Variants in CA1 observed in about 807,000 individuals in gnomAD.
The protein encoded by CA1 is carbonate dehydratase I.
A neutral mutation model predicts 28.8 loss-of-function variants in CA1; 27 were observed. That is an observed-to-expected ratio of 0.94 (90% confidence interval 0.69 to 1.29). CA1 has a LOEUF of 1.29. Among genes scored for constraint, CA1 ranks in the 50% most tolerant of loss-of-function variants. The pLI is 0.00. For missense variants in CA1, 335 were observed against 310.5 expected, an observed-to-expected ratio of 1.08 and a Z score of -0.59; for synonymous variants, 121 against 108.8, an observed-to-expected ratio of 1.11 and a Z score of -0.70.
chr8:85,343,714 T>C (rs371246813), intron 1 of CA1, among the ~76,000 whole-genome samples: 2 of 152,186 alleles, frequency 1.3e-5, no homozygotes, highest in African/African-American at 4.8e-5. Context: ...CCATATGGAA[T>C]GGCAATTTAT....
intron 4 of CA1, among the ~76,000 whole-genome samples, chr8:85,334,491 C>A (rs1166533481): frequency 6.6e-6 from 1 of 152,124 alleles, no homozygotes; most frequent in Non-Finnish European, 1.5e-5. Flanking sequence ...TTAAATAATT[C>A]TTTCCTGATC....
At chr8:85,366,885 A>G (rs1290530101) in intron 1 of CA1, among the ~76,000 whole-genome samples, 1 of 152,202 alleles carries the variant, frequency 6.6e-6, no homozygotes, top group African/African-American at 2.4e-5. Context: ...AGAAATACCA[A>G]TCTGGTAACA....
At chr8:85,353,614 T>G (rs1462323446) in intron 1 of CA1, among the ~76,000 whole-genome samples, 3 of 152,202 alleles carry the variant, frequency 2.0e-5, no homozygotes, top group Non-Finnish European at 4.4e-5. Context: ...TTGTTTTACA[T>G]GTTTTGTTTT....
chr8:85,348,730 C>A (rs1809295678), intron 1 of CA1, among the ~76,000 whole-genome samples: 2 of 152,126 alleles, frequency 1.3e-5, no homozygotes, highest in South Asian at 4.1e-4. Context: ...AACCCAATTT[C>A]TTTGAGTAAT....
chr8:85,332,660 A>AT, intron 5 of CA1, 108 bp from the exon 6 acceptor site: 1 of 786,632 alleles, frequency 1.3e-6, no homozygotes, highest in South Asian at 1.4e-5. Flanking sequence ...GAGGTAAGGT[A>AT]TTTTCTCTCT....
Position 85,329,836 on chromosome 8 carries a change from T to A in CA1, c.522A>T (p.Arg174=). ...AGGGGTCAAAATTTGTGAATGGGGC[T>A]CGTTTGCCCTGGAAGAAAAGAATAC... is the stretch of plus-strand genomic sequence containing the variant. ...ALQAIKTKGK[R]APFTNFDPST... Residue 174 remains arginine, a synonymous_variant, in exon 7 of 8, where the codon CGA becomes CGT. Transcript: ENST00000523022. The A allele has an allele frequency of 6.3e-7, 1 of 1,588,724 alleles. No homozygotes were observed. The highest frequency in any genetic ancestry group is 8.6e-7 in the Non-Finnish European group (1 of 1,165,026).
rs973560336 is a variant in CA1, at chr8:85,333,726, C to G, written c.355-106G>C. 1.1e-5 allele frequency: 8 copies of G among 735,512 alleles called. No individual in the cohort carries two copies. The East Asian group carries it at 1.7e-4, about 16-fold the overall frequency. The allele number at this position is 735,512 out of a possible 1,614,324, so 45.6% of individuals were successfully genotyped here. On this transcript the variant is annotated intron_variant, in intron 4 of 7. Coordinates refer to ENST00000523022, the MANE Select transcript of CA1 (RefSeq NM_001128831.4). ...ATGATGATGTATCTTGGCTTAGATA[C>G]ATAAAACTTATGTGAACCTTTATCC... is the stretch of plus-strand genomic sequence containing the variant.
At chr8:85,341,067 C>T (rs2220972) in intron 2 of CA1, 88,323 of 152,240 alleles carry the variant, frequency 0.58, 25,941 homozygotes, top group Middle Eastern at 0.62. Flanking sequence ...ATCACTTGAA[C>T]CTGGGAGGCA....
chr8:85,356,358 C>T (rs1809605631), intron 1 of CA1, among the ~76,000 whole-genome samples: 1 of 151,960 alleles, frequency 6.6e-6, no homozygotes, highest in Admixed American at 6.6e-5. Flanking sequence ...TAAAGTGTCT[C>T]ATGAAAAGAT....
At chr8:85,355,806 A>G (rs1056646017) in intron 1 of CA1, among the ~76,000 whole-genome samples, 7 of 151,860 alleles carry the variant, frequency 4.6e-5, no homozygotes. Context: ...TAAACTTATT[A>G]TGTGAACCAA....
chr8:85,336,774 T>C (rs886767264), intron 4 of CA1, among the ~76,000 whole-genome samples, 171 bp downstream of exon 4: 1 of 152,120 alleles, frequency 6.6e-6, no homozygotes, highest in Non-Finnish European at 1.5e-5. Flanking sequence ...AAATTTTCTC[T>C]CTCTTGCCAA....
intron 3 of CA1, chr8:85,337,343 C>T (rs1329527000): frequency 2.4e-6 from 1 of 422,616 alleles, no homozygotes; most frequent in Non-Finnish European, 4.4e-6. Context: ...AAGCATATTG[C>T]AATGTGAGTG....
chr8:85,341,692 C>T, intron 1 of CA1, 33 bp from the exon 2 acceptor site: 1 of 1,173,636 alleles, frequency 8.5e-7, no homozygotes, highest in Non-Finnish European at 1.3e-6. Context: ...GAATAACTAA[C>T]TGCAACTGTG....
intron 1 of CA1, among the ~76,000 whole-genome samples, chr8:85,343,407 A>G (rs777620467): frequency 1.3e-5 from 2 of 152,048 alleles, no homozygotes; most frequent in Non-Finnish European, 2.9e-5. Flanking sequence ...ACTGTCAACA[A>G]TTGTCCACTG....
chr8:85,361,740 G>A (rs1293216741), intron 1 of CA1, among the ~76,000 whole-genome samples: 1 of 152,154 alleles, frequency 6.6e-6, no homozygotes, highest in African/African-American at 2.4e-5. Context: ...TGAGCTTGAT[G>A]TCTAACACTC....
intron 1 of CA1, among the ~76,000 whole-genome samples, chr8:85,358,391 A>G (rs1337496393): frequency 6.6e-6 from 1 of 152,082 alleles, no homozygotes; most frequent in African/African-American, 2.4e-5. Flanking sequence ...AGCTTTTATA[A>G]CCGTCTGAAA....
At chr8:85,345,899 T>A (rs1809163134) in intron 1 of CA1, among the ~76,000 whole-genome samples, 1 of 152,222 alleles carries the variant, frequency 6.6e-6, no homozygotes, top group Non-Finnish European at 1.5e-5. Flanking sequence ...TGTCAAAATC[T>A]AACTCTTCAA....
intron 2 of CA1, among the ~76,000 whole-genome samples, chr8:85,338,716 CTT>C (rs56775953): frequency 0.011 from 1,296 of 114,202 alleles, 19 homozygotes; most frequent in African/African-American, 0.041. Flanking sequence ...CTTTCTCTCT[CTT>C]TTTTTTTTTT....
intron 1 of CA1, among the ~76,000 whole-genome samples, chr8:85,369,740 G>T (rs899965816): frequency 2.6e-5 from 4 of 152,010 alleles, no homozygotes; most frequent in Non-Finnish European, 5.9e-5. Context: ...AAGGGGAAAT[G>T]AATGGGAACC....
Sources: gnomAD v4.1 joint callset for allele counts (sites outside exome capture counted in the v4.1 genomes callset) on GRCh38, gnomAD v4.1.1 for gene constraint, MANE v1.5 for transcripts, NCBI Gene and HGNC (gene_info 2026-07-23, HGNC 2026-07-21) for gene names.